Variants in PPFIBP1 observed in about 807,000 individuals in gnomAD.
PPFIBP1 encodes liprin-beta-1.
Under a neutral mutation model 137.8 loss-of-function variants are expected in PPFIBP1, and 112 were observed. That is an observed-to-expected ratio of 0.81 (90% CI 0.70 to 0.95). The LOEUF (loss-of-function observed/expected upper bound fraction) is 0.95, where lower values mean the gene tolerates loss of function less well. PPFIBP1 is among the 40% of genes least tolerant of loss of function. The probability of loss-of-function intolerance (pLI) is 0.00; values close to 1 mark genes in which losing one functional copy is unlikely to be tolerated. For synonymous variants in PPFIBP1, 378 were observed against 417.3 expected (o/e 0.91, Z 1.15); for missense variants, 1,083 against 1,196.6 (o/e 0.91, Z 1.40).
chr12:27,550,667 G>A (rs1946674612), intron 1 of PPFIBP1, among the ~76,000 whole-genome samples: 1 of 152,132 alleles, frequency 6.6e-6, no homozygotes. Flanking sequence ...ACCGCGAATT[G>A]TAAGACACAT....
intron 2 of PPFIBP1, among the ~76,000 whole-genome samples, chr12:27,584,732 C>T (rs2051517272): frequency 6.6e-6 from 1 of 152,134 alleles, no homozygotes; most frequent in South Asian, 2.1e-4. Context: ...AAAATGTGCC[C>T]AAGAAATTAT....
intron 21 of PPFIBP1, among the ~76,000 whole-genome samples, chr12:27,680,631 G>A (rs896304009): frequency 1.3e-5 from 2 of 152,112 alleles, no homozygotes; most frequent in African/African-American, 4.8e-5. Context: ...AGCACTTAAA[G>A]ACAAAAATGC....
At chr12:27,659,585 G>A (rs2059417712) in intron 10 of PPFIBP1, among the ~76,000 whole-genome samples, 1 of 151,660 alleles carries the variant, frequency 6.6e-6, no homozygotes, top group Non-Finnish European at 1.5e-5. Context: ...TCTTGCCATT[G>A]TAGAGTTTGA....
At chr12:27,676,282 T>C in intron 17 of PPFIBP1, 146 bp from the exon 18 acceptor site, 1 of 549,882 alleles carries the variant, frequency 1.8e-6, no homozygotes, top group Non-Finnish European at 2.9e-6. Context: ...TGATAAGGCA[T>C]TTGACATTGG....
At chr12:27,527,467 TC>T (rs1443629182) in intron 1 of PPFIBP1, among the ~76,000 whole-genome samples, 1 of 152,112 alleles carries the variant, frequency 6.6e-6, no homozygotes, top group Non-Finnish European at 1.5e-5. Flanking sequence ...GGTCTTGAAC[TC>T]CTGGGCTCAA....
intron 1 of PPFIBP1, among the ~76,000 whole-genome samples, chr12:27,535,226 A>C (rs1351796891): frequency 1.3e-5 from 2 of 152,208 alleles, no homozygotes; most frequent in South Asian, 4.1e-4. Context: ...TTTCTCATAC[A>C]GTTTTTTTCT....
intron 2 of PPFIBP1, among the ~76,000 whole-genome samples, chr12:27,603,836 G>C (rs1219871834): frequency 1.3e-5 from 2 of 152,172 alleles, no homozygotes; most frequent in African/African-American, 4.8e-5. Context: ...GCCAACAGTT[G>C]TTCTTCTTTT....
chr12:27,612,640 C>T (rs1449065574), intron 2 of PPFIBP1, among the ~76,000 whole-genome samples: 5 of 152,006 alleles, frequency 3.3e-5, no homozygotes, highest in East Asian at 1.9e-4. Context: ...TGAGCCACAG[C>T]GCCCGGCTCC....
intron 1 of PPFIBP1, among the ~76,000 whole-genome samples, chr12:27,536,237 A>G (rs1030343600): frequency 1.3e-5 from 2 of 152,200 alleles, no homozygotes; most frequent in African/African-American, 4.8e-5. Context: ...AACTGTGTGA[A>G]TAGAGAGGCC....
intron 2 of PPFIBP1, among the ~76,000 whole-genome samples, chr12:27,585,632 C>T (rs2051648200): frequency 6.6e-6 from 1 of 152,150 alleles, no homozygotes; most frequent in Non-Finnish European, 1.5e-5. Context: ...GACATAAGTG[C>T]ACATTTTTGT....
intron 1 of PPFIBP1, among the ~76,000 whole-genome samples, chr12:27,551,319 A>G (rs1348353069): frequency 6.6e-6 from 1 of 152,158 alleles, no homozygotes; most frequent in African/African-American, 2.4e-5. Flanking sequence ...CCATCTCTCT[A>G]TCGCAGGCCA....
chr12:27,579,546 G>C (rs2050882525), intron 2 of PPFIBP1, among the ~76,000 whole-genome samples: 1 of 152,082 alleles, frequency 6.6e-6, no homozygotes, highest in South Asian at 2.1e-4. Context: ...TGTCTAGCTT[G>C]TTTTGCTTAT....
Position 27,558,960 on chromosome 12 carries a change from T to C in PPFIBP1, c.-123-19192T>C, listed in dbSNP as rs1443082970. On this transcript the variant is annotated intron_variant, in intron 1 of 29. Transcript: ENST00000228425. The stretch of plus-strand genomic sequence containing the variant: ...CACTTGAAGTTTTGGGCTCAGGTGA[T>C]CATCCTGTCTCAGCCTCCCAACTCT... 5.3e-5 allele frequency among the ~76,000 whole-genome samples: 8 copies of C among 152,116 alleles called. No individual in the cohort carries two copies. The East Asian group carries it at 1.5e-3, about 29-fold the overall frequency.
intron 2 of PPFIBP1, among the ~76,000 whole-genome samples, chr12:27,579,933 G>A (rs2050926907): frequency 6.6e-6 from 1 of 152,140 alleles, no homozygotes; most frequent in African/African-American, 2.4e-5. Context: ...TGAGTGATGT[G>A]GTGGGGCTTA....
chr12:27,554,925 T>C (rs1565758691), intron 1 of PPFIBP1, among the ~76,000 whole-genome samples: 1 of 151,706 alleles, frequency 6.6e-6, no homozygotes, highest in Non-Finnish European at 1.5e-5. Context: ...CCTAGGAAGT[T>C]AAGGGAGACA....
chr12:27,627,343 G>A (rs2056903400), intron 2 of PPFIBP1, among the ~76,000 whole-genome samples: 1 of 152,188 alleles, frequency 6.6e-6, no homozygotes. Context: ...AGTAATTTGT[G>A]TGAAAACATA....
chr12:27,538,924 A>G (rs79324893), intron 1 of PPFIBP1, among the ~76,000 whole-genome samples: 15 of 152,294 alleles, frequency 9.8e-5, no homozygotes, highest in African/African-American at 3.6e-4. Context: ...GGCAATGTCA[A>G]GAGACATTTT....
intron 1 of PPFIBP1, among the ~76,000 whole-genome samples, chr12:27,531,850 C>T (rs1391013321): frequency 1.3e-5 from 2 of 152,142 alleles, no homozygotes; most frequent in Admixed American, 1.3e-4. Flanking sequence ...CTACTTGGAA[C>T]TCTTCTGTTT....
intron 14 of PPFIBP1, among the ~76,000 whole-genome samples, chr12:27,671,775 G>T (rs1383424678): frequency 2.0e-5 from 3 of 152,168 alleles, no homozygotes; most frequent in Admixed American, 6.5e-5. Flanking sequence ...GTTAGAAAGA[G>T]ATTTTAAGGA....
Sources: allele counts gnomAD v4.1 joint callset (sites outside exome capture counted in the v4.1 genomes callset), GRCh38; gene constraint gnomAD v4.1.1; transcripts MANE v1.5; gene names NCBI Gene and HGNC (gene_info 2026-07-23, HGNC 2026-07-21).